TTLL11: variants seen among roughly 807,000 people sequenced by gnomAD.
TTLL11 encodes the protein tubulin polyglutamylase TTLL11.
TTLL11 carries 42 observed loss-of-function variants against 51.7 expected under a neutral mutation model. The observed-to-expected ratio is 0.81, with a 90% CI of 0.64 to 1.05. TTLL11 has a LOEUF of 1.05. Among genes scored for constraint, TTLL11 ranks in the 50% least tolerant of loss-of-function variants. TTLL11 has a pLI of 0.00. For synonymous variants in TTLL11, 381 were observed against 383.5 expected, an observed-to-expected ratio of 0.99 and a Z score of 0.08; for missense variants, 799 against 940.4, an observed-to-expected ratio of 0.85 and a Z score of 1.97.
At chr9:121,838,357 C>G (rs1187209284) in intron 8 of TTLL11, among the ~76,000 whole-genome samples, 1 of 152,184 alleles carries the variant, frequency 6.6e-6, no homozygotes, top group East Asian at 1.9e-4. Flanking sequence ...GCCCCCACAG[C>G]CTCCTCGCTG....
intron 1 of TTLL11, among the ~76,000 whole-genome samples, chr9:122,088,882 T>C (rs930801535): frequency 1.3e-5 from 2 of 152,086 alleles, no homozygotes; most frequent in Non-Finnish European, 2.9e-5. Context: ...GACACATGCC[T>C]GTAATCTCAG....
Position 121,824,095 on chromosome 9 carries a change from G to C in TTLL11, c.1841-1216C>G, listed in dbSNP as rs775995026. On this transcript the variant is annotated intron_variant, in intron 8 of 8. Transcript: ENST00000321582. ...TGAATGAGTGAATGAATGAATGGGT[G>C]CATTGACGCTAGGTACTTTACCAAC... 1.2e-4 allele frequency among the ~76,000 whole-genome samples: 19 copies of C among 152,160 alleles called. 1 individual carries two copies. Among genetic ancestry groups the C allele is most frequent in the South Asian group, 6.2e-4 (3 of 4,824 alleles).
rs746716875 is a variant in TTLL11, at chr9:121,819,737, A to G, written c.*2850T>C. On this transcript the variant is annotated 3_prime_UTR_variant, in exon 9 of 9. Transcript: ENST00000321582. The stretch of plus-strand genomic sequence containing the variant: ...TGTGTGCCGTGCCTCTGGGCCAGCC[A>G]GACTCCCGGCTCTACTTCCTATCTT... 1.3e-5 allele frequency among the ~76,000 whole-genome samples: 2 copies of G among 152,082 alleles called. No individual in the cohort carries two copies. Among genetic ancestry groups the G allele is most frequent in the Non-Finnish European group, 2.9e-5 (2 of 67,998 alleles).
At chr9:121,949,355 A>G (rs778793984) in intron 6 of TTLL11, among the ~76,000 whole-genome samples, 2 of 152,208 alleles carry the variant, frequency 1.3e-5, no homozygotes, top group Non-Finnish European at 2.9e-5. Context: ...TTACTATTCT[A>G]TGATGGCACT....
Position 121,974,888 on chromosome 9 carries a change from T to C in TTLL11, c.1361A>G (p.His454Arg). 1 of 1,545,950 alleles carries C rather than the reference T, an allele frequency of 6.5e-7. No homozygotes were observed. The highest frequency in any genetic ancestry group is 8.7e-7 in the Non-Finnish European group (1 of 1,144,618). The stretch of plus-strand genomic sequence containing the variant: ...TGAGATGCTCAAAATACTTACTTCG[T>C]GCTCATGTTCGATTCTCATACTGGG... ...ANPSMRIEHEHELSPGVFENV... is the reference protein window; with the variant it reads ...ANPSMRIEHERELSPGVFENV... The change falls in exon 5 of 9, where the codon CAC (histidine) becomes CGC (arginine). Residue 454 changes from histidine to arginine, a missense_variant. Coordinates refer to ENST00000321582, the MANE Select transcript of TTLL11 (RefSeq NM_001139442.2).
intron 1 of TTLL11, among the ~76,000 whole-genome samples, chr9:122,089,016 C>CA (rs11432235): frequency 0.12 from 10,682 of 91,824 alleles, 984 homozygotes; most frequent in African/African-American, 0.25. Flanking sequence ...CACCCTGTCT[C>CA]AAAAAAAAAA....
At chr9:121,928,745 T>G (rs80274806) in intron 6 of TTLL11, among the ~76,000 whole-genome samples, 11,696 of 151,896 alleles carry the variant, frequency 0.077, 657 homozygotes, top group African/African-American at 0.16. Context: ...GGCCTGTTTC[T>G]TTTTTTCAAT....
chr9:121,877,940 G>C (rs1391535428), intron 6 of TTLL11, among the ~76,000 whole-genome samples: 1 of 152,130 alleles, frequency 6.6e-6, no homozygotes, highest in Non-Finnish European at 1.5e-5. Flanking sequence ...CCGGTTATTT[G>C]TAACATCTCC....
chr9:121,989,645 G>A lies in TTLL11; in HGVS notation c.819C>T (p.Thr273=). 1.2e-6 allele frequency: 2 copies of A among 1,614,124 alleles called. No individual in the cohort carries two copies. The highest frequency in any genetic ancestry group is 1.7e-6 in the Non-Finnish European group (2 of 1,180,022). The stretch of plus-strand genomic sequence containing the variant: ...GGACCACCGCTGGCCTGCTCTGGAG[G>A]GTCCCTGCCAGGCGGATGTCACTGG... ...KDPSDIRLAG[T]LQSRPAVVQE... is the part of the protein sequence containing the mutation. The change falls in exon 4 of 9, where the codon ACC becomes ACT. Residue 273 remains threonine, a synonymous_variant. Transcript: ENST00000321582. This position sits in a 1 kb window ranked among gnomAD's most constrained non-coding sequence, Gnocchi z 4.2.
At chr9:121,841,689 C>G (rs1259547113) in intron 8 of TTLL11, among the ~76,000 whole-genome samples, 1 of 151,910 alleles carries the variant, frequency 6.6e-6, no homozygotes, top group African/African-American at 2.4e-5. Flanking sequence ...TTACAGCAGC[C>G]CAGGAAGCTG....
intron 8 of TTLL11, among the ~76,000 whole-genome samples, chr9:121,855,887 T>A (rs1258063065): frequency 6.6e-6 from 1 of 152,224 alleles, no homozygotes; most frequent in Non-Finnish European, 1.5e-5. Context: ...GTGCCTTGTA[T>A]GCGTTCTATC....
intron 1 of TTLL11, among the ~76,000 whole-genome samples, chr9:122,066,189 T>TGTTGTC (rs1845577384): frequency 9.9e-6 from 1 of 100,764 alleles, no homozygotes; most frequent in African/African-American, 5.8e-5. Context: ...GGGAGCAGAG[T>TGTTGTC]GTTGTTGTTG....
At chr9:121,920,926 G>A (rs115240130) in intron 6 of TTLL11, among the ~76,000 whole-genome samples, 94 of 152,322 alleles carry the variant, frequency 6.2e-4, no homozygotes, top group Middle Eastern at 3.4e-3. Context: ...AAGAGAGAGC[G>A]TCTAGCTAAT....
intron 6 of TTLL11, among the ~76,000 whole-genome samples, chr9:121,971,746 G>GAAAA (rs768215225): frequency 1.8e-4 from 18 of 97,884 alleles, no homozygotes; most frequent in South Asian, 3.2e-4. Flanking sequence ...TCTGCCTTGG[G>GAAAA]AAAAAAAAAA....
At chr9:122,021,701 G>A (rs901279901) in intron 3 of TTLL11, among the ~76,000 whole-genome samples, 1 of 152,016 alleles carries the variant, frequency 6.6e-6, no homozygotes, top group Admixed American at 6.6e-5. Context: ...TAACTGAACT[G>A]GATCTTACAA....
At chr9:122,057,178 C>A (rs1259445031) in intron 1 of TTLL11, among the ~76,000 whole-genome samples, 1 of 152,110 alleles carries the variant, frequency 6.6e-6, no homozygotes, top group African/African-American at 2.4e-5. Flanking sequence ...CATTTTACTG[C>A]CTGTAGATTT....
chr9:122,073,831 T>C (rs919576228), intron 1 of TTLL11, among the ~76,000 whole-genome samples: 10 of 152,180 alleles, frequency 6.6e-5, no homozygotes, highest in African/African-American at 2.2e-4. Flanking sequence ...GCTGACCTCA[T>C]CTTGCCTTCC....
intron 8 of TTLL11, among the ~76,000 whole-genome samples, chr9:121,831,919 C>T (rs547679877): frequency 1.4e-4 from 22 of 152,240 alleles, no homozygotes; most frequent in African/African-American, 5.3e-4. Flanking sequence ...GGCTGAAAGT[C>T]TGAGATTGGG....
chr9:121,822,840 A>G lies in TTLL11; in HGVS notation c.1880T>C (p.Leu627Pro). Residue 627 changes from leucine to proline, a missense_variant, in exon 9 of 9, where the codon CTG (leucine) becomes CCG (proline). Around this residue, in one of 3 missense-constraint regions of TTLL11, gnomAD observed 165 missense variants for 166.1 expected, o/e 0.99. Transcript: ENST00000321582. This position sits in a 1 kb window ranked among gnomAD's most constrained non-coding sequence, Gnocchi z 5.8. ...CAGCATCTTGAACTTCCTCTGAGCC[A>G]GGAAAAAGAAAGCTTCTACGAAGGC... is the stretch of plus-strand genomic sequence containing the variant. ...LQAFVEAFFF[L>P]AQRKFKMLPL... The G allele has an allele frequency of 6.4e-7, 1 of 1,551,478 alleles. No individual in the cohort carries two copies. The highest frequency in any genetic ancestry group is 2.0e-5 in the Admixed American group (1 of 50,930).
Sources: gnomAD v4.1 joint callset for allele counts (sites outside exome capture counted in the v4.1 genomes callset) on GRCh38, gnomAD v4.1.1 for gene constraint, gnomAD v4.1.1 regional missense constraint, Gnocchi (gnomAD v3.1) non-coding constraint, MANE v1.5 for transcripts, NCBI Gene and HGNC (gene_info 2026-07-23, HGNC 2026-07-21) for gene names.